Variants in TRERF1 observed in about 807,000 individuals in gnomAD.
TRERF1 encodes the protein transcriptional regulating factor 1.
In TRERF1, 27 loss-of-function variants were observed where a neutral mutation model predicts 122.9. That is an observed-to-expected ratio of 0.22 (90% CI 0.16 to 0.30). The LOEUF (loss-of-function observed/expected upper bound fraction) is 0.30. TRERF1 is among the 10% of genes least tolerant of loss of function. The pLI is 1.00. For synonymous variants in TRERF1, 636 were observed against 641.7 expected (o/e 0.99, Z 0.13); for missense variants, 1,248 against 1,560.3 (o/e 0.80, Z 3.37).
intron 3 of TRERF1, among the ~76,000 whole-genome samples, chr6:42,352,397 T>C (rs899434950): frequency 1.3e-5 from 2 of 152,246 alleles, no homozygotes; most frequent in African/African-American, 2.4e-5. Flanking sequence ...TCTGATGCAC[T>C]GTATGTTAGT....
chr6:42,371,533 C>G (rs539017729), intron 2 of TRERF1, among the ~76,000 whole-genome samples: 1 of 152,296 alleles, frequency 6.6e-6, no homozygotes, highest in South Asian at 2.1e-4. Flanking sequence ...TGCTCAACCC[C>G]CTCCTTGGCA....
intron 14 of TRERF1, among the ~76,000 whole-genome samples, chr6:42,245,968 C>A (rs1387254190): frequency 6.6e-6 from 1 of 152,092 alleles, no homozygotes; most frequent in Non-Finnish European, 1.5e-5. Flanking sequence ...ATTAGCCGGG[C>A]GTGGTGGTGC....
chr6:42,405,847 G>A (rs1394892148), intron 2 of TRERF1, among the ~76,000 whole-genome samples: 1 of 150,994 alleles, frequency 6.6e-6, no homozygotes, highest in African/African-American at 2.4e-5. Context: ...ATAGGGAAGG[G>A]GCAGAAGATC....
At position 42,232,669 on chromosome 6, in the gene TRERF1, C is replaced by T. The variant is rs1246836221; in HGVS notation, c.3278+12G>A. ...ATGAACTCAGATTCAGTCCCCGGTC[C>T]CCTGCACCTACTTGCCACACTCCTT... is the stretch of plus-strand genomic sequence containing the variant. On this transcript the variant is annotated intron_variant, in intron 17 of 17. Coordinates refer to ENST00000372922, the Ensembl canonical transcript of TRERF1. This position sits in a 1 kb window ranked among gnomAD's most constrained non-coding sequence, Gnocchi z 4.5. 6.3e-7 allele frequency: 1 copy of T among 1,580,668 alleles called. No homozygotes were observed. The highest frequency in any genetic ancestry group is 1.7e-5 in the Admixed American group (1 of 58,862).
chr6:42,418,799 G>C (rs1039027967), intron 2 of TRERF1, among the ~76,000 whole-genome samples: 2 of 152,112 alleles, frequency 1.3e-5, no homozygotes, highest in Non-Finnish European at 2.9e-5. Context: ...AACAGGCAGG[G>C]CTGCCTTAAA....
At chr6:42,428,672 C>A (rs978948915) in intron 2 of TRERF1, among the ~76,000 whole-genome samples, 1 of 152,174 alleles carries the variant, frequency 6.6e-6, no homozygotes, top group Non-Finnish European at 1.5e-5. Flanking sequence ...ACCAAAACTC[C>A]AAAGGAGATT....
intron 15 of TRERF1, among the ~76,000 whole-genome samples, chr6:42,241,045 A>G (rs1225757999): frequency 1.3e-5 from 2 of 152,026 alleles, no homozygotes; most frequent in African/African-American, 4.8e-5. Flanking sequence ...GGCGTGCACT[A>G]CCACGTCCAG....
At chr6:42,379,532 A>AATAT (rs1775543144) in intron 2 of TRERF1, among the ~76,000 whole-genome samples, 2 of 151,872 alleles carry the variant, frequency 1.3e-5, no homozygotes, top group African/African-American at 4.8e-5. Flanking sequence ...TCAGGCATGT[A>AATAT]TTATTTATTT....
chr6:42,400,178 T>C (rs1396533671), intron 2 of TRERF1, among the ~76,000 whole-genome samples: 3 of 152,180 alleles, frequency 2.0e-5, no homozygotes, highest in African/African-American at 7.2e-5. Flanking sequence ...AAAATACTCC[T>C]GGTCCCAGTC....
intron 2 of TRERF1, among the ~76,000 whole-genome samples, chr6:42,444,805 C>T (rs1336832994): frequency 6.6e-6 from 1 of 152,210 alleles, no homozygotes; most frequent in Non-Finnish European, 1.5e-5. Flanking sequence ...AGCTCCCACT[C>T]CGTTTCTCTG....
chr6:42,430,827 C>T lies in TRERF1; in HGVS notation c.-454+20350G>A, dbSNP rs1357665653. Among the ~76,000 whole-genome samples, 6 of 150,820 alleles carry T rather than the reference C, an allele frequency of 4.0e-5. No homozygotes were observed. In the East Asian group the frequency reaches 1.2e-3, roughly 30 times the overall value. The stretch of plus-strand genomic sequence containing the variant: ...AGGGGAATCGCTCGAACCCAGGAGG[C>T]GGAGGTTGCAGTGAGCCAAGATTGT... On this transcript the variant is annotated intron_variant, in intron 2 of 17. Transcript: ENST00000372922.
At chr6:42,417,672 G>C (rs1782035942) in intron 2 of TRERF1, among the ~76,000 whole-genome samples, 1 of 152,228 alleles carries the variant, frequency 6.6e-6, no homozygotes, top group African/African-American at 2.4e-5. Context: ...GGCCAGAGCA[G>C]GGGCCAGATA....
Position 42,275,675 on chromosome 6 carries a change from C to T in TRERF1, c.-258-5827G>A, listed in dbSNP as rs1781026545. On this transcript the variant is annotated intron_variant, in intron 4 of 17. Transcript: ENST00000372922. This position sits in a 1 kb window ranked among gnomAD's most constrained non-coding sequence, Gnocchi z 4.1. ...GTTCCCCTCTGCAGGTCCCATGCCT[C>T]TGACATGGACTAAGGGACAGAATTT... Among the ~76,000 whole-genome samples, 1 of 152,256 alleles carries T rather than the reference C, an allele frequency of 6.6e-6. No homozygotes were observed. Among genetic ancestry groups the T allele is most frequent in the African/African-American group, 2.4e-5 (1 of 41,470 alleles).
At position 42,232,666 on chromosome 6, in the gene TRERF1, G is replaced by C. The variant is rs763149321; in HGVS notation, c.3278+15C>G. 25 of 1,574,052 alleles carry C rather than the reference G, an allele frequency of 1.6e-5. No homozygotes were observed. Among genetic ancestry groups the C allele is most frequent in the Middle Eastern group, 3.7e-4 (2 of 5,364 alleles). ...ATCATGAACTCAGATTCAGTCCCCG[G>C]TCCCCTGCACCTACTTGCCACACTC... On this transcript the variant is annotated intron_variant, in intron 17 of 17. Transcript: ENST00000372922. The surrounding 1 kb of genome is among the most constrained non-coding windows in gnomAD (Gnocchi z 4.5).
At chr6:42,293,480 C>A (rs1784618702) in intron 4 of TRERF1, among the ~76,000 whole-genome samples, 1 of 152,186 alleles carries the variant, frequency 6.6e-6, no homozygotes, top group Non-Finnish European at 1.5e-5. Flanking sequence ...AAAATACAAA[C>A]AAGAAGACAT....
chr6:42,229,776 C>A (rs934820126), intron 17 of TRERF1, among the ~76,000 whole-genome samples: 1 of 152,108 alleles, frequency 6.6e-6, no homozygotes, highest in East Asian at 1.9e-4. Flanking sequence ...TTGAGAAACC[C>A]GGGGATAAAA....
intron 2 of TRERF1, among the ~76,000 whole-genome samples, chr6:42,432,067 G>C (rs260254): frequency 0.79 from 120,888 of 152,100 alleles, 50,140 homozygotes; most frequent in Non-Finnish European, 0.91. Context: ...ACTGACAACT[G>C]TACCATGGGC....
chr6:42,329,932 T>A (rs1175338770), intron 3 of TRERF1, among the ~76,000 whole-genome samples: 63 of 151,856 alleles, frequency 4.1e-4, no homozygotes, highest in Non-Finnish European at 5.9e-5. Flanking sequence ...GACCTTGCAG[T>A]GAGCCGAGAT....
chr6:42,320,150 C>A (rs918548182), intron 3 of TRERF1, among the ~76,000 whole-genome samples: 1 of 152,024 alleles, frequency 6.6e-6, no homozygotes, highest in Admixed American at 6.5e-5. Flanking sequence ...ATCCACCTGG[C>A]GGCCTCCCAA....
Sources: gnomAD v4.1 joint callset for allele counts (sites outside exome capture counted in the v4.1 genomes callset) on GRCh38, gnomAD v4.1.1 for gene constraint, Gnocchi (gnomAD v3.1) non-coding constraint, MANE v1.5 for transcripts, NCBI Gene and HGNC (gene_info 2026-07-23, HGNC 2026-07-21) for gene names.